The following IQSEC1 variants were observed in gnomAD, a reference collection of about 807,000 sequenced individuals.
The protein encoded by IQSEC1 is IQ motif and Sec7 domain ArfGEF 1, also known as IQ motif and SEC7 domain-containing protein 1.
In IQSEC1, 31 loss-of-function variants were observed where a neutral mutation model predicts 91.0. The ratio of observed to expected loss-of-function variants is 0.34; its 90% confidence interval spans 0.26 to 0.46. The LOEUF (loss-of-function observed/expected upper bound fraction) is 0.46. Among genes scored for constraint, IQSEC1 ranks in the 20% least tolerant of loss-of-function variants. The probability of loss-of-function intolerance (pLI) is 1.00; values close to 1 mark genes in which losing one functional copy is unlikely to be tolerated. For missense variants in IQSEC1, 1,388 were observed against 1,575.6 expected (o/e 0.88, Z 2.02); for synonymous variants, 699 against 662.6 (o/e 1.05, Z -0.84).
rs938450674 is a variant in IQSEC1, at chr3:12,940,072, T to A, written c.318+1499A>T. ...ATTCTCTTCAAAGGCCTCTATTAAG[T>A]CCCAACCTTTCTCCTTTCTGTTTAA... On this transcript the variant is annotated intron_variant, in intron 2 of 13. Coordinates refer to ENST00000613206, the MANE Select transcript of IQSEC1 (RefSeq NM_001134382.3). The surrounding 1 kb of genome is among the most constrained non-coding windows in gnomAD (Gnocchi z 4.4). Among the ~76,000 whole-genome samples the A allele has an allele frequency of 6.6e-6, 1 of 152,234 alleles. No homozygotes were observed. The highest frequency in any genetic ancestry group is 6.5e-5 in the Admixed American group (1 of 15,284).
chr3:13,062,102 G>T (rs377205779), intron 1 of IQSEC1, among the ~76,000 whole-genome samples: 1 of 152,190 alleles, frequency 6.6e-6, no homozygotes, highest in East Asian at 1.9e-4. Context: ...GCCAGATCGT[G>T]GGCTATTCAC....
chr3:13,015,595 G>A (rs1435832114), intron 1 of IQSEC1: 3 of 985,244 alleles, frequency 3.0e-6, no homozygotes, highest in Non-Finnish European at 2.4e-6. Flanking sequence ...AAGTGGAGGG[G>A]GCGGAGGTGT....
intron 2 of IQSEC1, among the ~76,000 whole-genome samples, chr3:13,083,876 G>C (rs1705692010): frequency 6.6e-6 from 1 of 152,262 alleles, no homozygotes; most frequent in Admixed American, 6.5e-5. Context: ...ACTATTTGTT[G>C]AGTGAATATC....
intron 1 of IQSEC1, among the ~76,000 whole-genome samples, chr3:13,183,857 C>T (rs1406075137): frequency 1.3e-5 from 2 of 151,776 alleles, no homozygotes; most frequent in Non-Finnish European, 2.9e-5. Context: ...ACATAGCCGA[C>T]AAATAAGGAA....
At chr3:13,071,420 C>T (rs1445107957) in intron 1 of IQSEC1, among the ~76,000 whole-genome samples, 1 of 152,104 alleles carries the variant, frequency 6.6e-6, no homozygotes, top group African/African-American at 2.4e-5. Context: ...ATGACATCTC[C>T]CCTCCCCGAT....
chr3:13,066,583 C>G (rs1189409712), intron 1 of IQSEC1, among the ~76,000 whole-genome samples: 1 of 152,222 alleles, frequency 6.6e-6, no homozygotes, highest in Admixed American at 6.5e-5. Flanking sequence ...CCAGGCAGGG[C>G]TGGGCAGGAG....
In IQSEC1 at chr3:13,038,262, G is replaced by GTATATATATATATATATATA. The variant is rs58338571; in HGVS notation, c.23+34710_23+34729dup. 5.4e-4 allele frequency among the ~76,000 whole-genome samples: 55 copies of GTATATATATATATATATATA among 101,208 alleles called. 2 individuals carry two copies. Among genetic ancestry groups the GTATATATATATATATATATA allele is most frequent in the Non-Finnish European group, 8.7e-4 (45 of 51,476 alleles). The allele number at this position is 101,208 out of a possible 152,430, so 66.4% of individuals were successfully genotyped here. On this transcript the variant is annotated intron_variant, in intron 1 of 13. Transcript: ENST00000613206. ...CAAGTATATATATGTGTGTGTGTGTGTATATATATATATATATATATATAT... is the reference window on the plus strand; with the variant it reads ...CAAGTATATATATGTGTGTGTGTGTGTATATATATATATATATATATATATATATATATATATATATATAT...
In IQSEC1 at chr3:13,275,849, T is replaced by C. The variant is rs369452005; in HGVS notation, c.272+6862A>G. Among the ~76,000 whole-genome samples the C allele has an allele frequency of 3.3e-4, 50 of 152,298 alleles. 3 individuals carry two copies. The highest frequency in any genetic ancestry group is 2.5e-3 in the South Asian group (12 of 4,824). ...AGAGGTGGCAGTCGGGTGCAGGCAG[T>C]GCAGGGCCCGGCTCCTGGGCCACAG... On this transcript the variant is annotated intron_variant, in intron 1 of 15. Transcript: ENST00000648114.
intron 1 of IQSEC1, among the ~76,000 whole-genome samples, chr3:13,169,216 G>A (rs1001617426): frequency 1.3e-5 from 2 of 152,160 alleles, no homozygotes; most frequent in Admixed American, 1.3e-4. Flanking sequence ...TAGTGAATAA[G>A]TACCATGAGA....
Position 12,922,375 on chromosome 3 carries a change from G to T in IQSEC1, c.1731-133C>A. 8.8e-7 allele frequency: 1 copy of T among 1,134,958 alleles called. No individual in the cohort carries two copies. The highest frequency in any genetic ancestry group is 1.2e-6 in the Non-Finnish European group (1 of 842,036). 70.3% of individuals were successfully genotyped at this position (1,134,958 alleles called of 1,614,324 possible). A position where few individuals can be genotyped will look rare whatever the true frequency, so the allele number is the denominator to read the frequency against. ...GCAGGGAGAGCCCCTGCCTGACTCCGACCAATCAGCCAAGAGCCCTCAGAA... is the reference window on the plus strand; with the variant it reads ...GCAGGGAGAGCCCCTGCCTGACTCCTACCAATCAGCCAAGAGCCCTCAGAA... On this transcript the variant is annotated intron_variant, in intron 4 of 13. Coordinates refer to ENST00000613206, the MANE Select transcript of IQSEC1 (RefSeq NM_001134382.3). This position sits in a 1 kb window ranked among gnomAD's most constrained non-coding sequence, Gnocchi z 5.1.
rs67057653 is a variant in IQSEC1, at chr3:13,161,218, G to T, written c.302+2886C>A. Among the ~76,000 whole-genome samples the T allele has an allele frequency of 4.8e-3, 737 of 152,304 alleles. 6 individuals carry two copies. Among genetic ancestry groups the T allele is most frequent in the African/African-American group, 0.016 (684 of 41,572 alleles). ...GTGCGCATGGGAAGGCTGTGGAAGC[G>T]CAGCTGCGCTGGTAGGGGTGTGGCG... is the stretch of plus-strand genomic sequence containing the variant. On this transcript the variant is annotated intron_variant, in intron 2 of 15. Coordinates refer to the IQSEC1 transcript ENST00000648114.
chr3:12,910,505 G>T (rs1343573487), intron 10 of IQSEC1, among the ~76,000 whole-genome samples: 1 of 152,258 alleles, frequency 6.6e-6, no homozygotes, highest in Non-Finnish European at 1.5e-5. Flanking sequence ...TCAGGACAAT[G>T]TGGGGATGGC....
chr3:13,168,554 C>T (rs1191242813), intron 1 of IQSEC1, among the ~76,000 whole-genome samples: 1 of 152,202 alleles, frequency 6.6e-6, no homozygotes, highest in Non-Finnish European at 1.5e-5. Flanking sequence ...AAAATTCAAA[C>T]TCCACACACA....
chr3:13,199,459 G>A (rs1694196099), intron 1 of IQSEC1, among the ~76,000 whole-genome samples: 1 of 152,156 alleles, frequency 6.6e-6, no homozygotes, highest in African/African-American at 2.4e-5. Context: ...AAGCTGGGCA[G>A]CTCGCACAGG....
chr3:13,029,152 C>T (rs982794489), intron 1 of IQSEC1, among the ~76,000 whole-genome samples: 7 of 152,192 alleles, frequency 4.6e-5, no homozygotes, highest in South Asian at 2.1e-4. Context: ...TGGCTATGGC[C>T]GTCTTTAAAA....
intron 1 of IQSEC1, among the ~76,000 whole-genome samples, chr3:13,204,100 A>G (rs925014654): frequency 6.6e-6 from 1 of 152,172 alleles, no homozygotes; most frequent in Non-Finnish European, 1.5e-5. Flanking sequence ...CAGGCACTCT[A>G]CACCTTCATG....
intron 2 of IQSEC1, among the ~76,000 whole-genome samples, chr3:12,938,013 C>T (rs374900149): frequency 5.9e-5 from 9 of 152,192 alleles, no homozygotes; most frequent in East Asian, 3.9e-4. Context: ...CTGAGGCACC[C>T]GTGACCAAGG....
intron 6 of IQSEC1, among the ~76,000 whole-genome samples, chr3:12,918,694 C>T (rs1462344884): frequency 4.6e-5 from 7 of 152,086 alleles, no homozygotes; most frequent in African/African-American, 7.2e-5. Context: ...TGGCAGTTCG[C>T]GCCTGTGGTC....
At chr3:12,959,084 G>T (rs541072063) in intron 1 of IQSEC1, among the ~76,000 whole-genome samples, 1 of 152,312 alleles carries the variant, frequency 6.6e-6, no homozygotes, top group South Asian at 2.1e-4. Context: ...CCCTAGAGAG[G>T]GTTGCTGGGT....
Sources: gnomAD v4.1 joint callset for allele counts (sites outside exome capture counted in the v4.1 genomes callset) on GRCh38, gnomAD v4.1.1 for gene constraint, Gnocchi (gnomAD v3.1) non-coding constraint, MANE v1.5 for transcripts, NCBI Gene and HGNC (gene_info 2026-07-23, HGNC 2026-07-21) for gene names.